Variants in ROBO2 observed in about 807,000 individuals in gnomAD.
The protein encoded by ROBO2 is roundabout homolog 2.
ROBO2 carries 53 observed loss-of-function variants against 160.8 expected under a neutral mutation model. That is an observed-to-expected ratio of 0.33 (90% confidence interval 0.26 to 0.41). The LOEUF (loss-of-function observed/expected upper bound fraction) is 0.41. Ranked by LOEUF, ROBO2 falls within the 10% of genes least tolerant of loss-of-function variation. The pLI is 1.00. For missense variants in ROBO2, 1,577 were observed against 1,722.4 expected, an observed-to-expected ratio of 0.92 and a Z score of 1.49; for synonymous variants, 664 against 611.7, an observed-to-expected ratio of 1.09 and a Z score of -1.26.
intron 2 of ROBO2, among the ~76,000 whole-genome samples, chr3:77,464,194 T>C (rs1426079520): frequency 6.6e-6 from 1 of 152,120 alleles, no homozygotes; most frequent in Non-Finnish European, 1.5e-5. Flanking sequence ...AAGTAGATAA[T>C]CATCTGGATA....
intron 2 of ROBO2, among the ~76,000 whole-genome samples, chr3:76,597,140 A>G (rs1320663241): frequency 2.0e-5 from 3 of 152,154 alleles, no homozygotes; most frequent in African/African-American, 7.2e-5. Context: ...AAGAATTTAA[A>G]TGAAAACCGT....
intron 2 of ROBO2, among the ~76,000 whole-genome samples, chr3:77,337,401 G>C (rs761583158): frequency 3.3e-5 from 5 of 152,006 alleles, no homozygotes; most frequent in Non-Finnish European, 5.9e-5. Context: ...TCTGTTCATG[G>C]TTATGACCAA....
At chr3:76,971,551 T>TA (rs11329448) in intron 2 of ROBO2, among the ~76,000 whole-genome samples, 41 of 149,704 alleles carry the variant, frequency 2.7e-4, no homozygotes, top group East Asian at 3.9e-4. Flanking sequence ...ACTGTTTCTC[T>TA]AAAAAAAAAA....
intron 1 of ROBO2, among the ~76,000 whole-genome samples, chr3:75,930,078 T>G (rs113115190): frequency 2.0e-5 from 3 of 152,340 alleles, no homozygotes; most frequent in African/African-American, 7.2e-5. Context: ...GGCTCAGCAT[T>G]CACATGAAAG....
intron 2 of ROBO2, among the ~76,000 whole-genome samples, chr3:77,236,617 C>T (rs2088026278): frequency 6.6e-6 from 1 of 152,114 alleles, no homozygotes; most frequent in South Asian, 2.1e-4. Context: ...TGGATAAATG[C>T]ATAATGATAT....
At chr3:77,533,189 C>G (rs1448238574) in intron 6 of ROBO2, among the ~76,000 whole-genome samples, 1 of 152,046 alleles carries the variant, frequency 6.6e-6, no homozygotes, top group Non-Finnish European at 1.5e-5. Flanking sequence ...CAGTATTGTA[C>G]TAGGCCTGGT....
intron 17 of ROBO2, among the ~76,000 whole-genome samples, chr3:77,591,785 A>G (rs542960639): frequency 7.9e-5 from 12 of 152,276 alleles, no homozygotes; most frequent in African/African-American, 2.9e-4. Context: ...AGATTGTCTG[A>G]CCACCCCAAC....
intron 20 of ROBO2, chr3:77,603,119 C>G: frequency 4.4e-6 from 2 of 455,470 alleles, no homozygotes; most frequent in South Asian, 3.1e-5. Context: ...GACCTGTGTT[C>G]CTAACAACCA....
chr3:76,379,629 T>G (rs1350849743), intron 2 of ROBO2, among the ~76,000 whole-genome samples: 5 of 152,150 alleles, frequency 3.3e-5, no homozygotes, highest in African/African-American at 1.2e-4. Flanking sequence ...AACTTGAAAA[T>G]TCTGTACTCT....
At chr3:76,995,105 C>G (rs1169478223) in intron 2 of ROBO2, among the ~76,000 whole-genome samples, 1 of 101,494 alleles carries the variant, frequency 9.9e-6, no homozygotes, top group Non-Finnish European at 1.9e-5. Flanking sequence ...CCCAAGACCC[C>G]CCACCCCCAA....
At chr3:76,983,663 A>C (rs2060216896) in intron 2 of ROBO2, among the ~76,000 whole-genome samples, 1 of 152,196 alleles carries the variant, frequency 6.6e-6, no homozygotes, top group African/African-American at 2.4e-5. Flanking sequence ...CAAGATTGAA[A>C]AAAACTTACA....
chr3:76,845,442 T>A (rs963957335), intron 2 of ROBO2, among the ~76,000 whole-genome samples: 1 of 151,996 alleles, frequency 6.6e-6, no homozygotes, highest in Non-Finnish European at 1.5e-5. Flanking sequence ...TCCCAATTAT[T>A]TGTATTTAAT....
chr3:77,070,637 G>T (rs1422175162), intron 1 of ROBO2, among the ~76,000 whole-genome samples: 1 of 152,138 alleles, frequency 6.6e-6, no homozygotes, highest in Non-Finnish European at 1.5e-5. Context: ...GTCAGCAAAG[G>T]GGGCAGGAGT....
chr3:76,641,969 C>G (rs946997431), intron 2 of ROBO2, among the ~76,000 whole-genome samples: 22 of 152,240 alleles, frequency 1.4e-4, no homozygotes, highest in African/African-American at 4.8e-4. Flanking sequence ...ATCCTCCTGC[C>G]TCAGCCTCCC....
intron 2 of ROBO2, among the ~76,000 whole-genome samples, chr3:76,909,470 A>G (rs142646670): frequency 1.3e-3 from 193 of 152,292 alleles, no homozygotes; most frequent in South Asian, 6.8e-3. Flanking sequence ...TTCACTGTTC[A>G]TGGGATGAGC....
At chr3:76,915,353 A>T (rs1172663421) in intron 2 of ROBO2, among the ~76,000 whole-genome samples, 1 of 152,062 alleles carries the variant, frequency 6.6e-6, no homozygotes, top group Admixed American at 6.6e-5. Flanking sequence ...TAGTGTTGTG[A>T]AAAAGAGCTT....
intron 2 of ROBO2, among the ~76,000 whole-genome samples, chr3:76,300,038 A>C (rs1448528275): frequency 2.0e-5 from 3 of 152,146 alleles, no homozygotes; most frequent in Non-Finnish European, 4.4e-5. Context: ...GCTAAAAATA[A>C]CATCCAATAA....
chr3:76,505,787 G>C (rs191385812), intron 2 of ROBO2, among the ~76,000 whole-genome samples: 2 of 152,280 alleles, frequency 1.3e-5, no homozygotes, highest in Admixed American at 1.3e-4. Context: ...ATATATTTCT[G>C]TTGCCTTAGG....
intron 21 of ROBO2, among the ~76,000 whole-genome samples, chr3:77,613,276 A>G (rs2094692401): frequency 6.6e-6 from 1 of 151,810 alleles, no homozygotes; most frequent in African/African-American, 2.4e-5. Context: ...AAAAGTAAGG[A>G]TATCTTACTA....
Sources: gnomAD v4.1 joint callset for allele counts (sites outside exome capture counted in the v4.1 genomes callset) on GRCh38, gnomAD v4.1.1 for gene constraint, MANE v1.5 for transcripts, NCBI Gene and HGNC (gene_info 2026-07-23, HGNC 2026-07-21) for gene names.